Variants in HSD17B6 observed in about 807,000 individuals in gnomAD.
HSD17B6 encodes 17-beta-hydroxysteroid dehydrogenase type 6.
Under a neutral mutation model 26.4 loss-of-function variants are expected in HSD17B6, and 16 were observed. The ratio of observed to expected loss-of-function variants is 0.61; its 90% CI spans 0.41 to 0.92. The LOEUF (loss-of-function observed/expected upper bound fraction) is 0.92, where lower values mean the gene tolerates loss of function less well. Among genes scored for constraint, HSD17B6 ranks in the 40% least tolerant of loss-of-function variants. HSD17B6 has a pLI of 0.00. For synonymous variants in HSD17B6, 139 were observed against 153.0 expected (o/e 0.91, Z 0.68); for missense variants, 357 against 386.1 (o/e 0.92, Z 0.63).
At position 56,773,115 on chromosome 12, in the gene HSD17B6, C is replaced by T. The variant is rs11835916; in HGVS notation, c.-19-719C>T. On this transcript the variant is annotated intron_variant, in intron 1 of 4. Coordinates refer to ENST00000322165, the MANE Select transcript of HSD17B6 (RefSeq NM_003725.4). The stretch of plus-strand genomic sequence containing the variant: ...GTGAACACTCATTTCAACAATGCTT[C>T]TGATTGGTCTAGGTTTACAAATTGC... Among the ~76,000 whole-genome samples the T allele has an allele frequency of 3.5e-3, 528 of 152,304 alleles. 2 individuals carry two copies. The highest frequency in any genetic ancestry group is 0.012 in the African/African-American group (500 of 41,556).
chr12:56,784,908 A>C lies in HSD17B6; in HGVS notation c.628A>C (p.Arg210=). The C allele has an allele frequency of 6.2e-7, 1 of 1,614,168 alleles. No individual in the cohort carries two copies. Among genetic ancestry groups the C allele is most frequent in the Non-Finnish European group, 8.5e-7 (1 of 1,180,028 alleles). The change falls in exon 4 of 5, where the codon AGA becomes CGA. Residue 210 remains arginine (R), a synonymous_variant. Transcript: ENST00000322165. ...KISIVEPGYF[R]TGMTNMTQSL... is the part of the protein sequence containing the mutation. ...CAGCATAGTTGAACCTGGCTACTTC[A>C]GAACGGGAATGACAAACATGACACA... is the stretch of plus-strand genomic sequence containing the variant.
At chr12:56,786,252 T>G (rs1023368472) in intron 4 of HSD17B6, among the ~76,000 whole-genome samples, 144 of 149,132 alleles carry the variant, frequency 9.7e-4, no homozygotes, top group South Asian at 1.9e-3. Flanking sequence ...GTTGTGTGTT[T>G]TTTTTTTTTT....
chr12:56,779,909 CT>C (rs1014131405), intron 2 of HSD17B6, among the ~76,000 whole-genome samples: 2 of 148,772 alleles, frequency 1.3e-5, no homozygotes, highest in Non-Finnish European at 3.0e-5. Context: ...GGGGCAAAAT[CT>C]TTTTTTTAAA....
intron 2 of HSD17B6, 64 bp from the exon 3 acceptor site, chr12:56,781,910 A>G (rs1954722512): frequency 6.5e-7 from 1 of 1,546,416 alleles, no homozygotes; most frequent in Non-Finnish European, 8.8e-7. Flanking sequence ...TTTCCCCACC[A>G]AAGTTCAAAA....
Position 56,778,907 on chromosome 12 carries a change from C to G in HSD17B6, c.314-3067C>G, listed in dbSNP as rs570422877. On this transcript the variant is annotated intron_variant, in intron 2 of 4. Coordinates refer to ENST00000322165, the MANE Select transcript of HSD17B6 (RefSeq NM_003725.4). The stretch of plus-strand genomic sequence containing the variant: ...TGCCAGGATGCTCTCGATTTCCTGA[C>G]CTCGGGATCCGCTCGTCTTGGCCTG... 2.9e-4 allele frequency among the ~76,000 whole-genome samples: 43 copies of G among 150,040 alleles called. No individual in the cohort carries two copies. The East Asian group carries it at 8.3e-3, about 29-fold the overall frequency.
chr12:56,770,988 A>G (rs1233840626), intron 1 of HSD17B6, among the ~76,000 whole-genome samples: 1 of 152,028 alleles, frequency 6.6e-6, no homozygotes, highest in African/African-American at 2.4e-5. Flanking sequence ...CAGTTGTGGC[A>G]CCCTCCGATC....
At position 56,782,325 on chromosome 12, in the gene HSD17B6, C is replaced by G. The variant is rs1592372944; in HGVS notation, c.572+93C>G. ...TTTCGCCTATCTTATTTCATCACTC[C>G]TCAAATCTTGATACATAGATATTAT... is the stretch of plus-strand genomic sequence containing the variant. On this transcript the variant is annotated intron_variant, in intron 3 of 4. Coordinates refer to ENST00000322165, the MANE Select transcript of HSD17B6 (RefSeq NM_003725.4). The G allele has an allele frequency of 3.4e-6, 4 of 1,175,110 alleles. No homozygotes were observed. In the East Asian group the frequency reaches 9.9e-5, roughly 29 times the overall value. The allele number at this position is 1,175,110 out of a possible 1,614,324, so 72.8% of individuals were successfully genotyped here.
chr12:56,777,997 C>A (rs1005224979), intron 2 of HSD17B6, among the ~76,000 whole-genome samples: 1 of 152,166 alleles, frequency 6.6e-6, no homozygotes, highest in Non-Finnish European at 1.5e-5. Context: ...GTTTTCCCAT[C>A]TGTTAGACTG....
chr12:56,772,762 C>G (rs1000238712), intron 1 of HSD17B6, among the ~76,000 whole-genome samples: 1 of 150,890 alleles, frequency 6.6e-6, no homozygotes, highest in Non-Finnish European at 1.5e-5. Context: ...CTACTTCTTT[C>G]CAGTAGAAAG....
At position 56,787,718 on chromosome 12, in the gene HSD17B6, G is replaced by A. The variant is rs144585397; in HGVS notation, c.*376G>A. 5.6e-6 allele frequency: 1 copy of A among 179,408 alleles called. No homozygotes were observed. The highest frequency in any genetic ancestry group is 1.6e-4 in the East Asian group (1 of 6,310). The allele number at this position is 179,408 out of a possible 1,614,324, so 11.1% of individuals were successfully genotyped here. A position where few individuals can be genotyped will look rare whatever the true frequency, so the allele number is the denominator to read the frequency against. ...GAGGAAACTACTAAGAAATATGTTGGTGTGTTTGTCCTTACTTGAAATGGG... is the reference window on the plus strand; with the variant it reads ...GAGGAAACTACTAAGAAATATGTTGATGTGTTTGTCCTTACTTGAAATGGG... On this transcript the variant is annotated 3_prime_UTR_variant, in exon 5 of 5. Transcript: ENST00000322165.
rs1036034443 is a variant in HSD17B6 at position 56,767,610 on chromosome 12, ATATT to A, written c.-20+4197_-20+4200del. 2.5e-5 allele frequency among the ~76,000 whole-genome samples: 3 copies of A among 119,036 alleles called. No homozygotes were observed. The Admixed American group carries it at 3.1e-4, about 12-fold the overall frequency. The allele number at this position is 119,036 out of a possible 152,430, so 78.1% of individuals were successfully genotyped here. A position where few individuals can be genotyped will look rare whatever the true frequency, so the allele number is the denominator to read the frequency against. ...ATATATTATATATATACACATACAT[ATATT>A]AATATATAACATATATATTATATTA... On this transcript the variant is annotated intron_variant, in intron 1 of 4. Transcript: ENST00000322165.
chr12:56,781,546 G>A (rs1486846357), intron 2 of HSD17B6, among the ~76,000 whole-genome samples: 1 of 152,198 alleles, frequency 6.6e-6, no homozygotes, highest in East Asian at 1.9e-4. Flanking sequence ...GCTCACGCCT[G>A]TAATCCCAGT....
chr12:56,783,095 C>T (rs1379620338), intron 3 of HSD17B6, among the ~76,000 whole-genome samples: 10 of 152,356 alleles, frequency 6.6e-5, no homozygotes, highest in African/African-American at 1.2e-4. Flanking sequence ...CCCACCTTGC[C>T]CCCTTTTCTA....
At chr12:56,772,715 A>C (rs12229709) in intron 1 of HSD17B6, among the ~76,000 whole-genome samples, 3 of 50,544 alleles carry the variant, frequency 5.9e-5, no homozygotes. Flanking sequence ...AAAAAAAAAG[A>C]AAAAAAAAAG....
At chr12:56,785,666 T>C (rs965647451) in intron 4 of HSD17B6, among the ~76,000 whole-genome samples, 3 of 152,256 alleles carry the variant, frequency 2.0e-5, no homozygotes, top group African/African-American at 7.2e-5. Context: ...CTTAGAGGCA[T>C]GGACCCTTGA....
chr12:56,771,697 A>T (rs1315889108), intron 1 of HSD17B6, among the ~76,000 whole-genome samples: 2 of 152,138 alleles, frequency 1.3e-5, no homozygotes, highest in South Asian at 2.1e-4. Context: ...ACCTCAGGTG[A>T]TCTGCCTGCC....
intron 1 of HSD17B6, among the ~76,000 whole-genome samples, chr12:56,769,026 A>T (rs1166326165): frequency 6.9e-6 from 1 of 143,890 alleles, no homozygotes; most frequent in Non-Finnish European, 1.5e-5. Context: ...AGAAAGAAGT[A>T]GAGGGGAGTG....
intron 2 of HSD17B6, among the ~76,000 whole-genome samples, chr12:56,778,786 T>G (rs1297770229): frequency 6.6e-6 from 1 of 150,856 alleles, no homozygotes; most frequent in Non-Finnish European, 1.5e-5. Context: ...GCCATTCTCC[T>G]GCCTCAGCCT....
chr12:56,781,906 C>A, intron 2 of HSD17B6, 68 bp from the exon 3 acceptor site: 1 of 1,524,710 alleles, frequency 6.6e-7, no homozygotes, highest in Admixed American at 1.8e-5. Context: ...ATTCTTTCCC[C>A]ACCAAAGTTC....
Sources: gnomAD v4.1 joint callset for allele counts (sites outside exome capture counted in the v4.1 genomes callset) on GRCh38, gnomAD v4.1.1 for gene constraint, MANE v1.5 for transcripts, NCBI Gene and HGNC (gene_info 2026-07-23, HGNC 2026-07-21) for gene names.